The following CDH13 variants were observed in gnomAD, a reference collection of about 807,000 sequenced individuals.
CDH13 encodes cadherin 13, also known as cadherin-13.
In CDH13, 24 loss-of-function variants were observed where a neutral mutation model predicts 63.8. The observed-to-expected ratio is 0.38, with a 90% CI of 0.27 to 0.53. The LOEUF is 0.53. Ranked by LOEUF, CDH13 falls within the 20% of genes least tolerant of loss-of-function variation. The pLI is 0.85. For synonymous variants in CDH13, 503 were observed against 355.3 expected (o/e 1.42, Z -4.67); for missense variants, 1,049 against 903.1 (o/e 1.16, Z -2.07).
At chr16:83,041,451 T>C (rs2151488628) in intron 3 of CDH13, among the ~76,000 whole-genome samples, 1 of 152,228 alleles carries the variant, frequency 6.6e-6, no homozygotes, top group African/African-American at 2.4e-5. Flanking sequence ...GAGAAACAGT[T>C]GTTTTTGTTT....
chr16:83,174,488 C>T (rs1349114293), intron 4 of CDH13, among the ~76,000 whole-genome samples: 1 of 151,910 alleles, frequency 6.6e-6, no homozygotes, highest in South Asian at 2.1e-4. Context: ...TATTTCTGAG[C>T]CAGAATAAAG....
chr16:83,281,831 T>G (rs1051852975), intron 5 of CDH13, among the ~76,000 whole-genome samples: 1 of 151,940 alleles, frequency 6.6e-6, no homozygotes, highest in Non-Finnish European at 1.5e-5. Context: ...GAGAATTGCT[T>G]GAACCCAAGA....
At chr16:83,044,959 C>T (rs1917644293) in intron 3 of CDH13, among the ~76,000 whole-genome samples, 1 of 152,180 alleles carries the variant, frequency 6.6e-6, no homozygotes, top group African/African-American at 2.4e-5. Context: ...TGATATGCTT[C>T]TACCCTCCTA....
intron 2 of CDH13, among the ~76,000 whole-genome samples, chr16:82,988,220 G>A (rs1398632114): frequency 6.6e-6 from 1 of 152,330 alleles, no homozygotes; most frequent in East Asian, 1.9e-4. Context: ...GCACATGTAT[G>A]TAAGAGCACG....
chr16:83,171,397 T>G, intron 4 of CDH13: 6 of 788,970 alleles, frequency 7.6e-6, no homozygotes, highest in Non-Finnish European at 1.3e-5. Context: ...ACCTCCAACA[T>G]GGGGGATTAC....
intron 5 of CDH13, among the ~76,000 whole-genome samples, chr16:83,218,857 C>G (rs1216599541): frequency 3.3e-5 from 5 of 152,048 alleles, no homozygotes; most frequent in African/African-American, 1.2e-4. Context: ...GTGCTGTTCT[C>G]GTGATAGTGA....
intron 6 of CDH13, among the ~76,000 whole-genome samples, chr16:83,446,581 G>T (rs756975606): frequency 6.6e-6 from 1 of 152,070 alleles, no homozygotes; most frequent in East Asian, 1.9e-4. Flanking sequence ...AACCACACAG[G>T]GATTTGGTAC....
At chr16:83,400,385 A>T (rs531863328) in intron 6 of CDH13, among the ~76,000 whole-genome samples, 1 of 152,124 alleles carries the variant, frequency 6.6e-6, no homozygotes. Context: ...ACAGTAGCCT[A>T]TGGGTTGGGA....
Position 83,780,169 on chromosome 16 carries a change from C to G in CDH13, c.1883C>G (p.Pro628Arg). ...TTTGAAATCCACAAACAAGCTGTTC[C>G]TGATAAAGTCTGGAAGATCTCCAAG... is the stretch of plus-strand genomic sequence containing the variant. ...FKFEIHKQAV[P>R]DKVWKISKIN... The change falls in exon 12 of 14, where the codon CCT (proline) becomes CGT (arginine). Residue 628 changes from proline (P) to arginine (R), a missense_variant. Pro to Arg is a moderately radical substitution (Grantham distance 103). Transcript: ENST00000567109. 6.2e-7 allele frequency: 1 copy of G among 1,606,614 alleles called. No homozygotes were observed. Among genetic ancestry groups the G allele is most frequent in the Non-Finnish European group, 8.5e-7 (1 of 1,176,058 alleles).
chr16:82,832,105 A>C (rs762908523), intron 1 of CDH13, among the ~76,000 whole-genome samples: 1 of 152,242 alleles, frequency 6.6e-6, no homozygotes, highest in Non-Finnish European at 1.5e-5. Flanking sequence ...CTTTAAAAGC[A>C]GAATGAAATA....
At chr16:83,513,123 T>A (rs1420893415) in intron 7 of CDH13, among the ~76,000 whole-genome samples, 1 of 152,166 alleles carries the variant, frequency 6.6e-6, no homozygotes, top group African/African-American at 2.4e-5. Flanking sequence ...TTCGAGCCTA[T>A]AATGCCTGCT....
intron 10 of CDH13, among the ~76,000 whole-genome samples, chr16:83,681,640 A>G (rs1180459213): frequency 6.6e-6 from 1 of 151,918 alleles, no homozygotes; most frequent in Admixed American, 6.6e-5. Flanking sequence ...CCTGGAGTAA[A>G]GTCGGGATAA....
intron 10 of CDH13, among the ~76,000 whole-genome samples, chr16:83,734,518 TG>T (rs1476989550): frequency 6.8e-6 from 1 of 146,100 alleles, no homozygotes; most frequent in African/African-American, 2.6e-5. Flanking sequence ...CACTCATAGA[TG>T]GGAATTGAAC....
intron 6 of CDH13, among the ~76,000 whole-genome samples, chr16:83,351,068 G>A (rs544413555): frequency 3.0e-4 from 45 of 152,316 alleles, no homozygotes; most frequent in Non-Finnish European, 5.6e-4. Flanking sequence ...TAGCTCAGCC[G>A]ATGGTGTTCA....
chr16:83,589,746 A>C (rs757938774), intron 7 of CDH13, among the ~76,000 whole-genome samples: 11 of 152,134 alleles, frequency 7.2e-5, no homozygotes, highest in Non-Finnish European at 1.5e-4. Context: ...ATTGCTATAC[A>C]GTGTCATTAT....
chr16:83,787,941 C>A (rs1223462652), intron 13 of CDH13, among the ~76,000 whole-genome samples: 5 of 152,158 alleles, frequency 3.3e-5, no homozygotes, highest in African/African-American at 7.2e-5. Flanking sequence ...AAAAACAACA[C>A]CTGCAGAGAT....
chr16:83,135,163 C>T (rs1000380386), intron 4 of CDH13, among the ~76,000 whole-genome samples: 5 of 152,158 alleles, frequency 3.3e-5, no homozygotes, highest in African/African-American at 9.7e-5. Context: ...TTAGTTTTTA[C>T]AACAGCCCTA....
At chr16:82,953,941 A>G (rs182850635) in intron 2 of CDH13, 106 of 152,316 alleles carry the variant, frequency 7.0e-4, no homozygotes, top group African/African-American at 2.3e-3. Context: ...CTTCCTTCCA[A>G]TAGACCTAGG....
At chr16:83,589,284 C>T (rs1250717096) in intron 7 of CDH13, among the ~76,000 whole-genome samples, 9 of 128,182 alleles carry the variant, frequency 7.0e-5, no homozygotes, top group Non-Finnish European at 1.0e-4. Flanking sequence ...CCTTTCCCCC[C>T]CCCGGACCCC....
Sources: gnomAD v4.1 joint callset for allele counts (sites outside exome capture counted in the v4.1 genomes callset) on GRCh38, gnomAD v4.1.1 for gene constraint, MANE v1.5 for transcripts, NCBI Gene and HGNC (gene_info 2026-07-23, HGNC 2026-07-21) for gene names.